Variants in COL4A4 observed in about 807,000 individuals in gnomAD.
The protein encoded by COL4A4 is collagen alpha-4(IV) chain.
A neutral mutation model predicts 192.9 loss-of-function variants in COL4A4; 105 were observed. The ratio of observed to expected loss-of-function variants is 0.54; its 90% CI spans 0.46 to 0.64. COL4A4 has a LOEUF of 0.64. COL4A4 is among the 30% of genes least tolerant of loss of function. The pLI is 0.00. For missense variants in COL4A4, 1,967 were observed against 2,169.3 expected, an observed-to-expected ratio of 0.91 and a Z score of 1.85; for synonymous variants, 762 against 769.9, an observed-to-expected ratio of 0.99 and a Z score of 0.17.
At chr2:227,076,921 A>C (rs564043087) in intron 25 of COL4A4, among the ~76,000 whole-genome samples, 64 of 152,360 alleles carry the variant, frequency 4.2e-4, no homozygotes, top group African/African-American at 1.3e-3. Context: ...GAGAAATGCA[A>C]ATCAAAACCA....
At chr2:226,978,989 T>C in the COL4A4 span, among the ~76,000 whole-genome samples, 1 of 152,124 alleles carries the variant, frequency 6.6e-6, no homozygotes, top group African/African-American at 2.4e-5. Context: ...GATGTAGGTA[T>C]GTATAAAAAA....
chr2:226,986,237 T>G, the COL4A4 span, among the ~76,000 whole-genome samples: 1 of 152,168 alleles, frequency 6.6e-6, no homozygotes, highest in Admixed American at 6.5e-5. Flanking sequence ...TAAGGAGACT[T>G]GGTAACAAAA....
intron 18 of COL4A4, among the ~76,000 whole-genome samples, chr2:227,099,186 C>G (rs929528730): frequency 6.6e-6 from 1 of 152,170 alleles, no homozygotes; most frequent in African/African-American, 2.4e-5. Flanking sequence ...CGTGCCTCAG[C>G]CTCCCACGTA....
intron 26 of COL4A4, among the ~76,000 whole-genome samples, chr2:227,062,144 G>A (rs13424003): frequency 0.64 from 97,524 of 151,348 alleles, 31,987 homozygotes; most frequent in African/African-American, 0.76. Context: ...AGACTGAGGC[G>A]GAAGAATCAT....
At chr2:226,987,367 G>A in the COL4A4 span, among the ~76,000 whole-genome samples, 2 of 152,252 alleles carry the variant, frequency 1.3e-5, no homozygotes, top group Admixed American at 1.3e-4. Flanking sequence ...ATGGGAGGAC[G>A]GCACTGAAGA....
intron 35 of COL4A4, 66 bp from the exon 36 acceptor site, chr2:227,043,250 T>C: frequency 7.8e-7 from 1 of 1,281,520 alleles, no homozygotes; most frequent in Non-Finnish European, 1.1e-6. Context: ...AATCACCAAG[T>C]TCAGCCCACC....
chr2:227,123,563 G>T lies in COL4A4; in HGVS notation c.193-2415C>A, dbSNP rs148747622. Among the ~76,000 whole-genome samples, 7 of 152,334 alleles carry T rather than the reference G, an allele frequency of 4.6e-5. 1 individual carries two copies. Among genetic ancestry groups the T allele is most frequent in the African/African-American group, 1.7e-4 (7 of 41,572 alleles). On this transcript the variant is annotated intron_variant, in intron 4 of 47. Transcript: ENST00000396625. This position sits in a 1 kb window ranked among gnomAD's most constrained non-coding sequence, Gnocchi z 4.6. ...CACCTGGGACTTAACCCTGAGGGGAGCCCACATCTCAGTGTTATCCCGCCC... is the reference window on the plus strand; with the variant it reads ...CACCTGGGACTTAACCCTGAGGGGATCCCACATCTCAGTGTTATCCCGCCC...
the COL4A4 span, among the ~76,000 whole-genome samples, chr2:226,971,568 C>G: frequency 6.6e-6 from 1 of 152,206 alleles, no homozygotes; most frequent in Non-Finnish European, 1.5e-5. Flanking sequence ...TAGCCACTTT[C>G]AGGTCATAAT....
At chr2:227,127,604 T>C (rs2062166589) in intron 4 of COL4A4, among the ~76,000 whole-genome samples, 1 of 152,242 alleles carries the variant, frequency 6.6e-6, no homozygotes, top group African/African-American at 2.4e-5. Context: ...TAAGAGGGTA[T>C]GTACTGTACT....
chr2:227,111,619 G>A (rs968141275), intron 9 of COL4A4, 59 bp downstream of exon 9: 9 of 1,563,202 alleles, frequency 5.8e-6, no homozygotes, highest in Middle Eastern at 1.7e-4. Context: ...GGATTAAAAC[G>A]TGGATCATAG....
At chr2:227,081,992 A>G (rs2059351297) in intron 23 of COL4A4, 123 bp downstream of exon 23, 5 of 877,332 alleles carry the variant, frequency 5.7e-6, no homozygotes, top group Admixed American at 5.2e-5. Context: ...TATTTTTTTA[A>G]GTAATCTCAA....
At chr2:227,030,039 A>C (rs1042560422) in intron 41 of COL4A4, among the ~76,000 whole-genome samples, 1 of 152,098 alleles carries the variant, frequency 6.6e-6, no homozygotes, top group East Asian at 1.9e-4. Flanking sequence ...AATCAGCTCA[A>C]TTATCTCATT....
chr2:227,059,986 G>T, intron 27 of COL4A4, 150 bp downstream of exon 27: 1 of 643,814 alleles, frequency 1.6e-6, no homozygotes, highest in East Asian at 2.7e-5. Context: ...ATATAGCTAA[G>T]GGTCTATCAA....
rs1327930802 is a variant in COL4A4 at position 227,045,937 on chromosome 2, A to ATATATGTATATATG, written c.3289+1524_3289+1537dup. ...TATGTATATGTATATGTATATATGTATATATGTATATATGTATATATGTAT... is the reference window on the plus strand; with the variant it reads ...TATGTATATGTATATGTATATATGTATATATGTATATATGTATATGTATATATGTATATATGTAT... On this transcript the variant is annotated intron_variant, in intron 35 of 47. Coordinates refer to ENST00000396625, the MANE Select transcript of COL4A4 (RefSeq NM_000092.5). Among the ~76,000 whole-genome samples, 24 of 94,488 alleles carry ATATATGTATATATG rather than the reference A, an allele frequency of 2.5e-4. 7 individuals carry two copies. The highest frequency in any genetic ancestry group is 1.1e-3 in the African/African-American group (24 of 21,360). The allele number at this position is 94,488 out of a possible 152,430, so 62.0% of individuals were successfully genotyped here.
At chr2:227,046,786 C>T (rs1424141646) in intron 35 of COL4A4, among the ~76,000 whole-genome samples, 6 of 152,032 alleles carry the variant, frequency 3.9e-5, no homozygotes, top group Non-Finnish European at 5.9e-5. Flanking sequence ...GTGCATAACA[C>T]TGGCACCCCC....
chr2:227,013,801 C>G (rs910683319), intron 44 of COL4A4, among the ~76,000 whole-genome samples: 1 of 152,202 alleles, frequency 6.6e-6, no homozygotes, highest in South Asian at 2.1e-4. Flanking sequence ...CCTTCACCCT[C>G]CAGTGACTGG....
At chr2:227,111,856 G>A in intron 8 of COL4A4, 143 bp from the exon 9 acceptor site, 1 of 811,794 alleles carries the variant, frequency 1.2e-6, no homozygotes, top group Non-Finnish European at 2.1e-6. Flanking sequence ...TAAAATTGAG[G>A]AAGGGATATG....
chr2:226,993,816 G>A, the COL4A4 span, among the ~76,000 whole-genome samples: 11 of 152,288 alleles, frequency 7.2e-5, no homozygotes, highest in South Asian at 6.2e-4. Context: ...TTGAAAAGAC[G>A]GACTCCGTTT....
Position 227,007,374 on chromosome 2 carries a change from G to T in COL4A4, c.5024C>A (p.Ala1675Asp), listed in dbSNP as rs1238651473. ...PAPDTLKESQ[A>D]QRQKISRCQV... ...GCACCGGCTGATTTTCTGGCGTTGG[G>T]CCTGGCTTTCTTTTAAGGTGTCTGG... is the stretch of plus-strand genomic sequence containing the variant. The change falls in exon 48 of 48, where the codon GCC becomes GAC. Residue 1675 changes from alanine to aspartate, a missense_variant. By Grantham distance (126) the Ala-to-Asp change is moderately radical. Transcript: ENST00000396625. 1 of 1,614,116 alleles carries T rather than the reference G, an allele frequency of 6.2e-7. No homozygotes were observed. The highest frequency in any genetic ancestry group is 1.3e-5 in the African/African-American group (1 of 74,938).
Sources: gnomAD v4.1 joint callset for allele counts (sites outside exome capture counted in the v4.1 genomes callset) on GRCh38, gnomAD v4.1.1 for gene constraint, Gnocchi (gnomAD v3.1) non-coding constraint, MANE v1.5 for transcripts, NCBI Gene and HGNC (gene_info 2026-07-23, HGNC 2026-07-21) for gene names.